Variants in TKFC observed in about 807,000 individuals in gnomAD.
The protein encoded by TKFC is triokinase/FMN cyclase.
Under a neutral mutation model 61.0 loss-of-function variants are expected in TKFC, and 46 were observed. The observed-to-expected ratio is 0.75, with a 90% CI of 0.60 to 0.96. TKFC has a LOEUF of 0.96. TKFC is among the 50% of genes least tolerant of loss of function. The pLI, the probability that TKFC is intolerant of heterozygous loss-of-function variation, is 0.00. For missense variants in TKFC, 715 were observed against 777.5 expected, an observed-to-expected ratio of 0.92 and a Z score of 0.96; for synonymous variants, 314 against 330.1, an observed-to-expected ratio of 0.95 and a Z score of 0.53.
At chr11:61,342,326 C>T in intron 7 of TKFC, 135 bp from the exon 8 acceptor site, 1 of 1,141,218 alleles carries the variant, frequency 8.8e-7, no homozygotes, top group Non-Finnish European at 1.3e-6. Context: ...TCGTGTTTTT[C>T]ATTATTCTGT....
chr11:61,350,254 G>C, downstream of TKFC: 1 of 1,109,324 alleles, frequency 9.0e-7, no homozygotes, highest in South Asian at 1.5e-5. Context: ...GGAGAGGGCA[G>C]GCCAGCACCC....
intron 1 of TKFC, chr11:61,333,601 C>G (rs888786877): frequency 1.3e-5 from 2 of 152,350 alleles, no homozygotes; most frequent in African/African-American, 4.8e-5. Context: ...ACCACCTGCT[C>G]ACCTCCTCCC....
In TKFC at chr11:61,346,418, G is replaced by C; in HGVS notation, c.1643G>C (p.Ser548Thr). 1.9e-6 allele frequency: 3 copies of C among 1,612,194 alleles called. No individual in the cohort carries two copies. The highest frequency in any genetic ancestry group is 2.5e-6 in the Non-Finnish European group (3 of 1,179,948). Residue 548 changes from serine to threonine, a missense_variant, in exon 18 of 18, where the codon AGC becomes ACC. Coordinates refer to ENST00000394900, the MANE Select transcript of TKFC (RefSeq NM_015533.4). The surrounding 1 kb of genome is among the most constrained non-coding windows in gnomAD (Gnocchi z 4.1). ...EAGAGRASYI[S>T]SARLEQPDPG... ...GGAGCCGGAAGAGCCAGTTATATCA[G>C]CTCAGCACGGCTGGAGCAGCCAGAC... is the stretch of plus-strand genomic sequence containing the variant.
At chr11:61,342,230 T>G (rs1856887610) in intron 7 of TKFC, 2 of 625,932 alleles carry the variant, frequency 3.2e-6, no homozygotes, top group Admixed American at 5.7e-5. Flanking sequence ...CTGCAAAGCT[T>G]TCTTTCCTCG....
At chr11:61,344,859 G>C (rs114239082) in intron 13 of TKFC, among the ~76,000 whole-genome samples, 4 of 152,148 alleles carry the variant, frequency 2.6e-5, no homozygotes, top group Admixed American at 1.3e-4. Flanking sequence ...GGTGCCTGCC[G>C]TGGGGCAGGC....
downstream of TKFC, chr11:61,350,312 C>A: frequency 6.5e-7 from 1 of 1,536,118 alleles, no homozygotes; most frequent in East Asian, 2.3e-5. Context: ...CCTGCTGAAA[C>A]CAGCCGGGAG....
chr11:61,334,538 A>C, intron 1 of TKFC, 82 bp from the exon 2 acceptor site: 2 of 647,806 alleles, frequency 3.1e-6, no homozygotes, highest in Non-Finnish European at 5.4e-6. Context: ...GCAGCTCCCT[A>C]ATTACTAGGG....
chr11:61,350,127 A>C (rs1857328191), downstream of TKFC: 1 of 579,204 alleles, frequency 1.7e-6, no homozygotes, highest in Admixed American at 3.0e-5. Flanking sequence ...CAGAGAAGGC[A>C]GGCCCAGCAC....
In TKFC at chr11:61,344,101, T is replaced by C. The variant is rs1856999793; in HGVS notation, c.1103-35T>C. ...GTCAAGTGTGGTTGTGAGAAGGGCC[T>C]GGTGGGCCTGTTCTTCAGCATCCTC... is the stretch of plus-strand genomic sequence containing the variant. On this transcript the variant is annotated intron_variant, in intron 12 of 17. Coordinates refer to ENST00000394900, the MANE Select transcript of TKFC (RefSeq NM_015533.4). The C allele has an allele frequency of 2.5e-6, 4 of 1,610,002 alleles. No homozygotes were observed. The South Asian group carries it at 4.4e-5, about 18-fold the overall frequency.
chr11:61,342,479 G>T lies in TKFC; in HGVS notation c.674G>T (p.Gly225Val). ...TCCGCAGGGATCCACGGGGAAGCTG[G>T]TGTGCGCCGGATAAAGGTAGGTGGT... ...ELGLGIHGEA[G>V]VRRIKMATAD... Residue 225 changes from glycine to valine, a missense_variant, in exon 8 of 18, where the codon GGT (glycine) becomes GTT (valine). Gly to Val is a moderately radical substitution (Grantham distance 109, BLOSUM62 -3). Transcript: ENST00000394900. 6.2e-7 allele frequency: 1 copy of T among 1,614,096 alleles called. No homozygotes were observed. The highest frequency in any genetic ancestry group is 8.5e-7 in the Non-Finnish European group (1 of 1,180,042).
At position 61,347,751 on chromosome 11, in the gene TKFC, G is replaced by A. The variant is rs983725698; in HGVS notation, c.*1248G>A. 31 of 983,764 alleles carry A rather than the reference G, an allele frequency of 3.2e-5. No individual in the cohort carries two copies. Among genetic ancestry groups the A allele is most frequent in the Admixed American group, 1.2e-4 (2 of 16,260 alleles). 60.9% of individuals were successfully genotyped at this position (983,764 alleles called of 1,614,324 possible). On this transcript the variant is annotated 3_prime_UTR_variant, in exon 18 of 18. Coordinates refer to ENST00000394900, the MANE Select transcript of TKFC (RefSeq NM_015533.4). ...CTGAAATCTGATTCTGCTTTAACCC[G>A]GCTACAGGAGCTAAGGCCTATTTTT...
chr11:61,349,170 C>G lies in TKFC; in HGVS notation c.*2667C>G, dbSNP rs955472814. The G allele has an allele frequency of 8.8e-6, 2 of 226,838 alleles. No individual in the cohort carries two copies. Among genetic ancestry groups the G allele is most frequent in the Non-Finnish European group, 1.8e-5 (2 of 108,840 alleles). 14.1% of individuals were successfully genotyped at this position (226,838 alleles called of 1,614,324 possible). A position where few individuals can be genotyped will look rare whatever the true frequency, so the allele number is the denominator to read the frequency against. On this transcript the variant is annotated 3_prime_UTR_variant, in exon 18 of 18. Transcript: ENST00000394900. Reference sequence around the variant, plus strand: ...AGCAGCAACACTTAGGAGCAAGACCCTTCCCGCTCTCCACCCTATTTCCTC... The same window carrying G: ...AGCAGCAACACTTAGGAGCAAGACCGTTCCCGCTCTCCACCCTATTTCCTC...
chr11:61,343,966 G>A lies in TKFC; in HGVS notation c.1093G>A (p.Ala365Thr). ...GCCCCAGGAGGCCCCTGATTCCACT[G>A]CTGCAGGAGGTACCAACCCCTGCCT... ...AEPQEAPDST[A>T]AGGSASKRMA... The change falls in exon 12 of 18, where the codon GCT (alanine) becomes ACT (threonine). Residue 365 changes from alanine to threonine, a missense_variant. By Grantham distance (58) the Ala-to-Thr change is moderately conservative. Coordinates refer to ENST00000394900, the MANE Select transcript of TKFC (RefSeq NM_015533.4). 6.2e-7 allele frequency: 1 copy of A among 1,611,168 alleles called. No individual in the cohort carries two copies. Among genetic ancestry groups the A allele is most frequent in the Non-Finnish European group, 8.5e-7 (1 of 1,179,934 alleles).
Position 61,343,847 on chromosome 11 carries a change from T to C in TKFC, c.983-9T>C. The C allele has an allele frequency of 6.2e-7, 1 of 1,606,278 alleles. No homozygotes were observed. The highest frequency in any genetic ancestry group is 8.5e-7 in the Non-Finnish European group (1 of 1,178,834). On this transcript the variant is annotated splice_polypyrimidine_tract_variant and intron_variant, in intron 11 of 17. Coordinates refer to ENST00000394900, the MANE Select transcript of TKFC (RefSeq NM_015533.4). ...GCCGTGTCTAAGAGAGTTATCTTGC[T>C]GCCCTTAGATGCTGAAACCACTGCA...
intron 2 of TKFC, chr11:61,336,004 G>T (rs1032727068): frequency 1.3e-5 from 2 of 152,246 alleles, no homozygotes; most frequent in African/African-American, 4.8e-5. Flanking sequence ...ATGTTGATCA[G>T]GCTAGTCTCG....
chr11:61,351,022 C>T (rs150048136), downstream of TKFC: 37 of 1,613,674 alleles, frequency 2.3e-5, no homozygotes, highest in African/African-American at 3.7e-4. Flanking sequence ...CGGCTCTGGG[C>T]GCTTCCAAGA....
Position 61,339,045 on chromosome 11 carries a change from C to G in TKFC, c.194-21C>G, listed in dbSNP as rs557756151. On this transcript the variant is annotated intron_variant, in intron 3 of 17. Coordinates refer to ENST00000394900, the MANE Select transcript of TKFC (RefSeq NM_015533.4). ...GCGCGAGTCCCACCCAGCATGCTCA[C>G]TCCACTCCTTCCACCTCCAGGTTTC... 213 of 1,606,910 alleles carry G rather than the reference C, an allele frequency of 1.3e-4. 2 individuals are homozygous for G. In the South Asian group the frequency reaches 2.1e-3, roughly 16 times the overall value.
intron 8 of TKFC, 39 bp from the exon 9 acceptor site, chr11:61,342,535 G>GC: frequency 5.6e-6 from 9 of 1,614,012 alleles, no homozygotes; most frequent in South Asian, 1.1e-5. Context: ...TAAGGCCAAG[G>GC]CCCCCCAGAT....
chr11:61,346,158 G>A lies in TKFC; in HGVS notation c.1576-193G>A, dbSNP rs1277220479. 15 of 1,371,552 alleles carry A rather than the reference G, an allele frequency of 1.1e-5. No homozygotes were observed. The highest frequency in any genetic ancestry group is 1.5e-5 in the Non-Finnish European group (15 of 1,027,562). 85.0% of individuals were successfully genotyped at this position (1,371,552 alleles called of 1,614,324 possible). A position where few individuals can be genotyped will look rare whatever the true frequency, so the allele number is the denominator to read the frequency against. ...GCCTGGGATGTGACAGGGCCTCAGT[G>A]AATGGTGACCCTTTTCCCTGCTGGA... On this transcript the variant is annotated intron_variant, in intron 17 of 17. Coordinates refer to ENST00000394900, the MANE Select transcript of TKFC (RefSeq NM_015533.4). This position sits in a 1 kb window ranked among gnomAD's most constrained non-coding sequence, Gnocchi z 4.1.
Sources: allele counts gnomAD v4.1 joint callset (sites outside exome capture counted in the v4.1 genomes callset), GRCh38; gene constraint gnomAD v4.1.1; non-coding constraint Gnocchi (gnomAD v3.1); transcripts MANE v1.5; gene names NCBI Gene and HGNC (gene_info 2026-07-23, HGNC 2026-07-21).